The following RHOT1 variants were observed in gnomAD, a reference collection of about 807,000 sequenced individuals.
RHOT1 encodes the protein mitochondrial Rho GTPase 1.
A neutral mutation model predicts 95.3 loss-of-function variants in RHOT1; 27 were observed. The observed-to-expected ratio is 0.28, with a 90% confidence interval of 0.21 to 0.39. The LOEUF (loss-of-function observed/expected upper bound fraction) is 0.39, where lower values mean the gene tolerates loss of function less well. RHOT1 is among the 10% of genes least tolerant of loss of function. The probability of loss-of-function intolerance (pLI) is 1.00; values close to 1 mark genes in which losing one functional copy is unlikely to be tolerated. For missense variants in RHOT1, 578 were observed against 786.7 expected (o/e 0.73, Z 3.17); for synonymous variants, 227 against 263.5 (o/e 0.86, Z 1.34).
intron 15 of RHOT1, among the ~76,000 whole-genome samples, 184 bp downstream of exon 15, chr17:32,203,084 A>G (rs1008725762): frequency 1.3e-5 from 2 of 152,224 alleles, no homozygotes; most frequent in Non-Finnish European, 2.9e-5. Context: ...GATATTAGCT[A>G]TCATTTGTCT....
chr17:32,201,996 C>T (rs1436517370), intron 14 of RHOT1, among the ~76,000 whole-genome samples: 1 of 152,118 alleles, frequency 6.6e-6, no homozygotes, highest in Non-Finnish European at 1.5e-5. Flanking sequence ...ACTGCAACCT[C>T]CGCCTCCTGG....
chr17:32,193,899 G>A, intron 10 of RHOT1, 88 bp from the exon 11 acceptor site: 1 of 1,488,810 alleles, frequency 6.7e-7, no homozygotes, highest in Non-Finnish European at 9.1e-7. Context: ...GCATCCGTAT[G>A]TTCATGAATC....
Position 32,142,510 on chromosome 17 carries a change from C to A in RHOT1, c.-183C>A. 1 of 448,946 alleles carries A rather than the reference C, an allele frequency of 2.2e-6. No individual in the cohort carries two copies. Among genetic ancestry groups the A allele is most frequent in the Non-Finnish European group, 3.7e-6 (1 of 272,062 alleles). The allele number at this position is 448,946 out of a possible 1,614,324, so 27.8% of individuals were successfully genotyped here. Reference sequence around the variant, plus strand: ...CCGCCGCCGCCGCCGCCACAGCCCGCTGGGCCGGAGGAGGCGGAGCTGGCG... The same window carrying A: ...CCGCCGCCGCCGCCGCCACAGCCCGATGGGCCGGAGGAGGCGGAGCTGGCG... On this transcript the variant is annotated 5_prime_UTR_variant, in exon 1 of 20. The change creates a new upstream start codon in the 5' untranslated region. Coordinates refer to ENST00000545287, the MANE Select transcript of RHOT1 (RefSeq NM_001033566.3).
chr17:32,178,351 C>G (rs544126148), intron 6 of RHOT1, among the ~76,000 whole-genome samples: 6 of 152,138 alleles, frequency 3.9e-5, no homozygotes, highest in Non-Finnish European at 8.8e-5. Flanking sequence ...GCCACCACTC[C>G]TGACTGGTTT....
intron 19 of RHOT1, among the ~76,000 whole-genome samples, chr17:32,212,423 GCTTTAGCAC>G (rs958173438): frequency 2.1e-4 from 32 of 152,214 alleles, no homozygotes; most frequent in African/African-American, 7.7e-4. Flanking sequence ...CTGCTTCTGT[GCTTTAGCAC>G]CTTGTAAAGT....
chr17:32,142,884 T>C, intron 1 of RHOT1, 155 bp downstream of exon 1: 1 of 768,082 alleles, frequency 1.3e-6, no homozygotes, highest in Non-Finnish European at 2.3e-6. Flanking sequence ...TCCTAGGCCT[T>C]CCAGCCCCTT....
intron 1 of RHOT1, chr17:32,151,128 A>T: frequency 1.2e-6 from 1 of 848,908 alleles, no homozygotes; most frequent in Non-Finnish European, 2.1e-6. Context: ...ATTTACCATG[A>T]CACTGGGTTC....
At chr17:32,177,196 C>G (rs1048004021) in intron 6 of RHOT1, among the ~76,000 whole-genome samples, 1 of 152,132 alleles carries the variant, frequency 6.6e-6, no homozygotes, top group Non-Finnish European at 1.5e-5. Flanking sequence ...GTAGTAGGCT[C>G]TCGTCAGTTG....
intron 1 of RHOT1, among the ~76,000 whole-genome samples, chr17:32,160,619 C>T (rs771782360): frequency 5.3e-5 from 8 of 152,302 alleles, no homozygotes; most frequent in Admixed American, 3.3e-4. Flanking sequence ...GCCAAGCTTC[C>T]GGGCACCACT....
intron 6 of RHOT1, among the ~76,000 whole-genome samples, chr17:32,178,363 T>C (rs2035209344): frequency 1.3e-5 from 2 of 152,106 alleles, no homozygotes; most frequent in Admixed American, 6.5e-5. Context: ...GACTGGTTTT[T>C]GTATTTTTGG....
chr17:32,193,302 A>G, intron 10 of RHOT1, 58 bp downstream of exon 10: 1 of 1,071,646 alleles, frequency 9.3e-7, no homozygotes, highest in Non-Finnish European at 1.4e-6. Flanking sequence ...ATTTGGCAGA[A>G]GGTGAAGGTC....
chr17:32,144,550 AAT>A (rs2030993546), intron 1 of RHOT1, among the ~76,000 whole-genome samples: 1 of 151,898 alleles, frequency 6.6e-6, no homozygotes, highest in South Asian at 2.1e-4. Context: ...AAAAACCTTT[AAT>A]AATGCTCCCA....
rs1036974228 is a variant in RHOT1, at chr17:32,225,628, GATAAA to G, written c.*901_*905del. The G allele has an allele frequency of 1.1e-4, 16 of 152,332 alleles. No individual in the cohort carries two copies. Among genetic ancestry groups the G allele is most frequent in the East Asian group, 1.9e-4 (1 of 5,180 alleles). 9.4% of individuals were successfully genotyped at this position (152,332 alleles called of 1,614,324 possible). ...ACCTAGAGGCAGTAATTTTTTAAAT[GATAAA>G]ATAAATCTAATGAATATAAACTCTC... On this transcript the variant is annotated 3_prime_UTR_variant, in exon 20 of 20. Transcript: ENST00000545287.
At chr17:32,192,548 C>G (rs73979004) in intron 9 of RHOT1, among the ~76,000 whole-genome samples, 149 of 151,830 alleles carry the variant, frequency 9.8e-4, no homozygotes, top group African/African-American at 3.6e-3. Context: ...GGAGTCTGAA[C>G]TCTGAATCAT....
At chr17:32,193,057 C>G in intron 9 of RHOT1, 79 bp from the exon 10 acceptor site, 1 of 843,268 alleles carries the variant, frequency 1.2e-6, no homozygotes, top group South Asian at 1.6e-5. Flanking sequence ...TTTAATATTG[C>G]TTTGTAGATT....
chr17:32,202,658 AC>A (rs1204891343), intron 14 of RHOT1, 111 bp from the exon 15 acceptor site: 1 of 701,628 alleles, frequency 1.4e-6, no homozygotes, highest in African/African-American at 1.8e-5. Context: ...TAGATCAGCT[AC>A]TTCATAAAAA....
chr17:32,152,642 C>A (rs933098744), intron 1 of RHOT1, among the ~76,000 whole-genome samples: 1 of 151,504 alleles, frequency 6.6e-6, no homozygotes, highest in Non-Finnish European at 1.5e-5. Flanking sequence ...TTTTAAGGGC[C>A]ATGGTGAGGG....
chr17:32,197,182 G>C (rs1008212581), intron 11 of RHOT1, among the ~76,000 whole-genome samples: 3 of 151,792 alleles, frequency 2.0e-5, no homozygotes, highest in African/African-American at 7.3e-5. Context: ...TGGTTCCTTA[G>C]AAGTGGGGAG....
At chr17:32,197,570 C>T (rs546336334) in intron 11 of RHOT1, among the ~76,000 whole-genome samples, 2 of 152,122 alleles carry the variant, frequency 1.3e-5, no homozygotes, top group South Asian at 4.1e-4. Context: ...GGACTACAGG[C>T]GTCCACCACC....
Sources: allele counts gnomAD v4.1 joint callset (sites outside exome capture counted in the v4.1 genomes callset), GRCh38; gene constraint gnomAD v4.1.1; transcripts MANE v1.5; gene names NCBI Gene and HGNC (gene_info 2026-07-23, HGNC 2026-07-21).